Variants in SLC9D1 observed in about 807,000 individuals in gnomAD.
SLC9D1 encodes putative LAG1-interacting protein.
At chr13:113,494,914 G>T in the SLC9D1 span, among the ~76,000 whole-genome samples, 1 of 151,576 alleles carries the variant, frequency 6.6e-6, no homozygotes, top group Non-Finnish European at 1.5e-5. Flanking sequence ...ACAGAGTTTT[G>T]CTGTTGTTGC....
the SLC9D1 span, chr13:113,529,818 T>C: frequency 1.3e-5 from 2 of 152,154 alleles, no homozygotes; most frequent in East Asian, 1.9e-4. Flanking sequence ...GTGATGGGGG[T>C]ACAACAGTGT....
At chr13:113,535,697 C>A in the SLC9D1 span, among the ~76,000 whole-genome samples, 1 of 151,428 alleles carries the variant, frequency 6.6e-6, no homozygotes, top group African/African-American at 2.4e-5. This position sits in a 1 kb window ranked among gnomAD's most constrained non-coding sequence, Gnocchi z 4.1. Flanking sequence ...CTGTGTGGTT[C>A]TTTTTATGTC....
the SLC9D1 span, among the ~76,000 whole-genome samples, chr13:113,501,536 A>G: frequency 6.6e-6 from 1 of 152,170 alleles, no homozygotes; most frequent in Non-Finnish European, 1.5e-5. Flanking sequence ...TCTTTAGGCC[A>G]TGAAAAACTA....
chr13:113,503,701 GA>G, the SLC9D1 span: 1 of 636,406 alleles, frequency 1.6e-6, no homozygotes, highest in Non-Finnish European at 2.8e-6. Flanking sequence ...TTTTAGAATA[GA>G]ATATGATATT....
chr13:113,547,616 A>G, the SLC9D1 span, among the ~76,000 whole-genome samples: 2 of 152,052 alleles, frequency 1.3e-5, no homozygotes, highest in South Asian at 2.1e-4. Flanking sequence ...AAAGGGGGGA[A>G]CTAACCTTTT....
chr13:113,536,594 GGC>G, the SLC9D1 span: 1 of 985,092 alleles, frequency 1.0e-6, no homozygotes, highest in Non-Finnish European at 1.2e-6. Context: ...CCCTCCCAGT[GGC>G]TTCTTCCATT....
chr13:113,538,220 A>G, the SLC9D1 span, among the ~76,000 whole-genome samples: 1 of 102,748 alleles, frequency 9.7e-6, no homozygotes, highest in East Asian at 2.7e-4. Context: ...GTGCATGCAT[A>G]CATATGTGCT....
At chr13:113,518,229 G>A in the SLC9D1 span, among the ~76,000 whole-genome samples, 1 of 152,120 alleles carries the variant, frequency 6.6e-6, no homozygotes, top group Non-Finnish European at 1.5e-5. Context: ...TTTTGTGCCC[G>A]TCACTACTCC....
chr13:113,539,744 A>T, the SLC9D1 span, among the ~76,000 whole-genome samples: 4 of 152,220 alleles, frequency 2.6e-5, no homozygotes, highest in East Asian at 7.7e-4. The surrounding 1 kb of genome is among the most constrained non-coding windows in gnomAD (Gnocchi z 4.8). Flanking sequence ...CTTTAGGCTC[A>T]GGGTACGTGT....
At chr13:113,537,919 GTTC>G in the SLC9D1 span, among the ~76,000 whole-genome samples, 1 of 152,100 alleles carries the variant, frequency 6.6e-6, no homozygotes, top group Non-Finnish European at 1.5e-5. Flanking sequence ...GCATGTGTGT[GTTC>G]TTTGTGCATG....
chr13:113,537,520 A>G, the SLC9D1 span, among the ~76,000 whole-genome samples: 1 of 152,178 alleles, frequency 6.6e-6, no homozygotes, highest in Admixed American at 6.5e-5. Flanking sequence ...CATGTCAGAT[A>G]TGTTTTTGCA....
the SLC9D1 span, among the ~76,000 whole-genome samples, chr13:113,496,719 C>T: frequency 1.3e-5 from 2 of 152,106 alleles, no homozygotes; most frequent in African/African-American, 2.4e-5. Flanking sequence ...AGAGAAAATA[C>T]AGACATTAAA....
chr13:113,491,374 C>G, the SLC9D1 span: 1 of 151,066 alleles, frequency 6.6e-6, no homozygotes, highest in East Asian at 1.9e-4. Flanking sequence ...CGGGGCTCAC[C>G]TTCCCTTCTT....
chr13:113,505,116 CTATT>C, the SLC9D1 span: 2 of 152,094 alleles, frequency 1.3e-5, no homozygotes, highest in African/African-American at 4.8e-5. Context: ...AGAGAATTGT[CTATT>C]TATATCCTTA....
the SLC9D1 span, among the ~76,000 whole-genome samples, chr13:113,518,519 G>A: frequency 3.3e-5 from 5 of 152,244 alleles, no homozygotes; most frequent in African/African-American, 1.2e-4. Context: ...GTGAGATGTA[G>A]TGAGAGATTT....
the SLC9D1 span, among the ~76,000 whole-genome samples, chr13:113,497,988 T>C: frequency 6.6e-6 from 1 of 152,330 alleles, no homozygotes; most frequent in East Asian, 1.9e-4. Context: ...CATTCAGGTC[T>C]CACATCTGGT....
the SLC9D1 span, among the ~76,000 whole-genome samples, chr13:113,532,295 G>A: frequency 2.6e-5 from 4 of 152,210 alleles, no homozygotes; most frequent in Non-Finnish European, 5.9e-5. Flanking sequence ...GTGAGCAGCC[G>A]TGAGCCCCCA....
At chr13:113,519,150 T>C in the SLC9D1 span, among the ~76,000 whole-genome samples, 1 of 151,868 alleles carries the variant, frequency 6.6e-6, no homozygotes, top group African/African-American at 2.4e-5. Flanking sequence ...TTCAAGTGAT[T>C]CTCCTGCCTC....
chr13:113,514,618 A>G, the SLC9D1 span: 5 of 131,876 alleles, frequency 3.8e-5, no homozygotes, highest in Non-Finnish European at 7.8e-5. Context: ...CCTGCTGCCA[A>G]GCTTTGTTTT....
Sources: allele counts gnomAD v4.1 joint callset (sites outside exome capture counted in the v4.1 genomes callset), GRCh38; gene constraint gnomAD v4.1.1; non-coding constraint Gnocchi (gnomAD v3.1); transcripts MANE v1.5; gene names NCBI Gene and HGNC (gene_info 2026-07-23, HGNC 2026-07-21).